Variants in TTLL5 observed in about 807,000 individuals in gnomAD.
TTLL5 encodes the protein tubulin tyrosine ligase like 5.
A neutral mutation model predicts 168.4 loss-of-function variants in TTLL5; 132 were observed. The ratio of observed to expected loss-of-function variants is 0.78; its 90% confidence interval spans 0.68 to 0.91. TTLL5 has a LOEUF of 0.91. Ranked by LOEUF, TTLL5 falls within the 40% of genes least tolerant of loss-of-function variation. The pLI is 0.00. For missense variants in TTLL5, 1,545 were observed against 1,581.5 expected (o/e 0.98, Z 0.39); for synonymous variants, 546 against 558.6 (o/e 0.98, Z 0.32).
intron 31 of TTLL5, chr14:75,904,342 T>C (rs890956279): frequency 2.4e-6 from 2 of 841,836 alleles, no homozygotes; most frequent in African/African-American, 3.7e-5. Flanking sequence ...GTGTGAAGGA[T>C]TTCTGTGAGA....
intron 18 of TTLL5, chr14:75,757,928 C>A: frequency 6.8e-7 from 1 of 1,468,782 alleles, no homozygotes. Context: ...TGACCATGCA[C>A]AGACTAAGCA....
rs142207370 is a variant in TTLL5 at position 75,888,849 on chromosome 14, C to G, written c.3740+5947C>G. On this transcript the variant is annotated intron_variant, in intron 30 of 31. Transcript: ENST00000298832. Reference sequence around the variant, plus strand: ...ACTCAGGAGGCGGAGGCTGGAGAATCGCTTGAACCTGGGAGGCAGAGATTT... The same window carrying G: ...ACTCAGGAGGCGGAGGCTGGAGAATGGCTTGAACCTGGGAGGCAGAGATTT... 4.6e-3 allele frequency among the ~76,000 whole-genome samples: 704 copies of G among 151,590 alleles called. 9 individuals carry two copies. The highest frequency in any genetic ancestry group is 0.016 in the African/African-American group (664 of 41,266).
At chr14:75,707,315 G>A (rs1286909030) in intron 8 of TTLL5, among the ~76,000 whole-genome samples, 1 of 152,038 alleles carries the variant, frequency 6.6e-6, no homozygotes, top group African/African-American at 2.4e-5. Context: ...GTATATGTAT[G>A]AAAATTGTGC....
At chr14:75,863,933 A>AAAAAAC in intron 29 of TTLL5, 71 bp downstream of exon 29, 2 of 1,268,262 alleles carry the variant, frequency 1.6e-6, no homozygotes, top group Non-Finnish European at 1.0e-6. Flanking sequence ...AAAAAAAAAA[A>AAAAAAC]AGGTCAGTGA....
chr14:75,693,272 T>C (rs1885588732), intron 6 of TTLL5, among the ~76,000 whole-genome samples: 2 of 151,968 alleles, frequency 1.3e-5, no homozygotes, highest in African/African-American at 4.8e-5. Context: ...GGCCTAGGGA[T>C]GGGTGGGTGT....
At chr14:75,865,924 A>G (rs1006378869) in intron 29 of TTLL5, among the ~76,000 whole-genome samples, 6 of 152,200 alleles carry the variant, frequency 3.9e-5, no homozygotes, top group African/African-American at 1.2e-4. Flanking sequence ...ATCATTCATC[A>G]TAATTGTATA....
chr14:75,810,821 C>T (rs772009779), intron 27 of TTLL5, among the ~76,000 whole-genome samples: 1 of 152,192 alleles, frequency 6.6e-6, no homozygotes, highest in Non-Finnish European at 1.5e-5. Flanking sequence ...CAAATATACA[C>T]ATTGTGTGCA....
intron 12 of TTLL5, among the ~76,000 whole-genome samples, chr14:75,728,988 G>C (rs1888362584): frequency 6.6e-6 from 1 of 152,088 alleles, no homozygotes; most frequent in Admixed American, 6.6e-5. Flanking sequence ...TATTAGAGAG[G>C]GAGCAGAAGC....
At chr14:75,863,277 A>G (rs2030183173) in intron 28 of TTLL5, among the ~76,000 whole-genome samples, 1 of 152,206 alleles carries the variant, frequency 6.6e-6, no homozygotes, top group African/African-American at 2.4e-5. Context: ...TGTTAGAGAA[A>G]ATGATCATGC....
chr14:75,837,610 C>G (rs760583851), intron 28 of TTLL5, among the ~76,000 whole-genome samples: 13 of 152,018 alleles, frequency 8.6e-5, no homozygotes, highest in African/African-American at 1.2e-4. Context: ...TCTTCCCTCC[C>G]CCCAACGCCT....
At chr14:75,869,396 G>A (rs1029496628) in intron 29 of TTLL5, among the ~76,000 whole-genome samples, 7 of 152,170 alleles carry the variant, frequency 4.6e-5, no homozygotes, top group South Asian at 4.1e-4. Flanking sequence ...TGTCTAGTCC[G>A]TGACTTAAGA....
chr14:75,791,105 C>CAAAA (rs372035829), intron 26 of TTLL5, among the ~76,000 whole-genome samples: 51,277 of 76,906 alleles, frequency 0.67, 18,161 homozygotes, highest in Admixed American at 0.74. Context: ...GACTCTGTCT[C>CAAAA]AAAAAAAAAA....
chr14:75,888,532 G>T (rs565616088), intron 30 of TTLL5, among the ~76,000 whole-genome samples: 1 of 152,110 alleles, frequency 6.6e-6, no homozygotes, highest in Admixed American at 6.5e-5. Context: ...CAGTTTCTCC[G>T]TGAATATAAG....
chr14:75,914,768 A>C (rs1053175219), intron 31 of TTLL5, among the ~76,000 whole-genome samples: 13 of 151,798 alleles, frequency 8.6e-5, no homozygotes, highest in Non-Finnish European at 1.8e-4. Flanking sequence ...GGACTACAGG[A>C]GCCTGCCACC....
chr14:75,693,250 C>T (rs1011673640), intron 6 of TTLL5, among the ~76,000 whole-genome samples: 1 of 152,022 alleles, frequency 6.6e-6, no homozygotes, highest in Non-Finnish European at 1.5e-5. Context: ...GGTCTTATGC[C>T]AGGAGTGAAG....
At chr14:75,884,880 A>C (rs892207433) in intron 30 of TTLL5, among the ~76,000 whole-genome samples, 7 of 152,060 alleles carry the variant, frequency 4.6e-5, no homozygotes, top group East Asian at 3.8e-4. Flanking sequence ...AAAAAAAAAA[A>C]AACAACTGGG....
chr14:75,862,259 A>G (rs2030079027), intron 28 of TTLL5, among the ~76,000 whole-genome samples: 2 of 152,000 alleles, frequency 1.3e-5, no homozygotes, highest in African/African-American at 4.8e-5. Flanking sequence ...GGTTGTTTTC[A>G]CCTTTTGCCT....
At chr14:75,917,286 G>A (rs2033652638) in intron 31 of TTLL5, among the ~76,000 whole-genome samples, 2 of 152,206 alleles carry the variant, frequency 1.3e-5, no homozygotes, top group Non-Finnish European at 2.9e-5. Context: ...TGCATTTGAG[G>A]AAACTAAGGC....
intron 27 of TTLL5, among the ~76,000 whole-genome samples, chr14:75,816,524 G>A (rs1894410783): frequency 6.6e-6 from 1 of 152,212 alleles, no homozygotes; most frequent in Admixed American, 6.5e-5. Context: ...TCTTGCCAAA[G>A]GATAGGTTTA....
Sources: gnomAD v4.1 joint callset for allele counts (sites outside exome capture counted in the v4.1 genomes callset) on GRCh38, gnomAD v4.1.1 for gene constraint, MANE v1.5 for transcripts, NCBI Gene and HGNC (gene_info 2026-07-23, HGNC 2026-07-21) for gene names.